ERLIN2: variants seen among roughly 807,000 people sequenced by gnomAD.
The protein encoded by ERLIN2 is erlin-2.
Under a neutral mutation model 41.5 loss-of-function variants are expected in ERLIN2, and 22 were observed. The observed-to-expected ratio is 0.53, with a 90% CI of 0.38 to 0.76. The LOEUF (loss-of-function observed/expected upper bound fraction) is 0.76, where lower values mean the gene tolerates loss of function less well. Among genes scored for constraint, ERLIN2 ranks in the 30% least tolerant of loss-of-function variants. ERLIN2 has a pLI of 0.00. For synonymous variants in ERLIN2, 149 were observed against 150.9 expected, an observed-to-expected ratio of 0.99 and a Z score of 0.09; for missense variants, 247 against 414.3, an observed-to-expected ratio of 0.60 and a Z score of 3.51.
chr8:37,753,468 G>A lies in ERLIN2; in HGVS notation c.758G>A (p.Arg253Gln), dbSNP rs1235728999. The change falls in exon 11 of 12, where the codon CGG becomes CAG. Residue 253 changes from arginine to glutamine, a missense_variant. Around this residue, in one of 3 missense-constraint regions of ERLIN2, gnomAD observed 153 missense variants for 256.4 expected, o/e 0.60. Transcript: ENST00000519638. ...SEIEDAAFLA[R>Q]EKAKADAECY... Reference sequence around the variant, plus strand: ...CCCTCAGATGCTGCATTTCTGGCCCGGGAGAAGGCAAAGGCAGATGCTGAG... The same window carrying A: ...CCCTCAGATGCTGCATTTCTGGCCCAGGAGAAGGCAAAGGCAGATGCTGAG... 3.1e-6 allele frequency: 5 copies of A among 1,613,974 alleles called. No homozygotes were observed. Among genetic ancestry groups the A allele is most frequent in the East Asian group, 2.2e-5 (1 of 44,896 alleles).
At chr8:37,745,485 A>G in intron 6 of ERLIN2, 1 of 1,348,806 alleles carries the variant, frequency 7.4e-7, no homozygotes, top group Non-Finnish European at 1.1e-6. Context: ...TATTCTGTTT[A>G]AACTCACTGC....
chr8:37,746,455 T>C lies in ERLIN2; in HGVS notation c.424+1759T>C, dbSNP rs542780019. ...AAAAACATGGATACAAACACATGGA[T>C]ATAGTTATCACTGAAGCAGTGTGAC... On this transcript the variant is annotated intron_variant, in intron 6 of 11. Coordinates refer to ENST00000519638, the MANE Select transcript of ERLIN2 (RefSeq NM_007175.8). 1.4e-4 allele frequency: 141 copies of C among 984,966 alleles called. 1 individual carries two copies. Among genetic ancestry groups the C allele is most frequent in the Admixed American group, 7.4e-4 (12 of 16,270 alleles). 61.0% of individuals were successfully genotyped at this position (984,966 alleles called of 1,614,324 possible).
chr8:37,753,639 G>A lies in ERLIN2; in HGVS notation c.819+110G>A, dbSNP rs377386172. The stretch of plus-strand genomic sequence containing the variant: ...CACCACCCAAAGCCCTTCATGGGCA[G>A]AACTGAGGATGCCTTTGCTGTGTGG... On this transcript the variant is annotated intron_variant, in intron 11 of 11. Transcript: ENST00000519638. 1.1e-3 allele frequency: 1,095 copies of A among 972,170 alleles called. 17 individuals carry two copies. The South Asian group carries it at 0.014, about 12-fold the overall frequency. The allele number at this position is 972,170 out of a possible 1,614,324, so 60.2% of individuals were successfully genotyped here. A position where few individuals can be genotyped will look rare whatever the true frequency, so the allele number is the denominator to read the frequency against.
chr8:37,742,665 G>A (rs977777644), intron 4 of ERLIN2, among the ~76,000 whole-genome samples: 3 of 152,136 alleles, frequency 2.0e-5, no homozygotes, highest in East Asian at 1.9e-4. Flanking sequence ...TGGATAGGGG[G>A]TGGGGAGAGG....
rs991275230 is a variant in ERLIN2 at position 37,741,423 on chromosome 8, C to T, written c.190-349C>T. Among the ~76,000 whole-genome samples, 1 of 152,126 alleles carries T rather than the reference C, an allele frequency of 6.6e-6. No homozygotes were observed. Among genetic ancestry groups the T allele is most frequent in the African/African-American group, 2.4e-5 (1 of 41,418 alleles). On this transcript the variant is annotated intron_variant, in intron 3 of 11. Transcript: ENST00000519638. This position sits in a 1 kb window ranked among gnomAD's most constrained non-coding sequence, Gnocchi z 4.8. ...GTGTTATAGGGTTTGGTACTCTCCCCGGTTTCAAGCATCCACTGGGGGCCT... is the reference window on the plus strand; with the variant it reads ...GTGTTATAGGGTTTGGTACTCTCCCTGGTTTCAAGCATCCACTGGGGGCCT...
intron 11 of ERLIN2, 61 bp downstream of exon 11, chr8:37,753,590 G>A (rs935723027): frequency 6.7e-7 from 1 of 1,496,024 alleles, no homozygotes; most frequent in African/African-American, 1.4e-5. Context: ...TATTGCAGGA[G>A]AGTTTCCAGT....
intron 6 of ERLIN2, chr8:37,747,216 G>GA (rs1346241687): frequency 4.4e-6 from 3 of 680,670 alleles, no homozygotes; most frequent in African/African-American, 1.8e-5. Flanking sequence ...GAATCAATGG[G>GA]AAACAACATA....
chr8:37,737,219 G>C (rs1448907302), intron 1 of ERLIN2: 1 of 158,800 alleles, frequency 6.3e-6, no homozygotes, highest in African/African-American at 2.4e-5. Flanking sequence ...TCGCAGTTTG[G>C]GACATTGCCT....
At chr8:37,750,291 G>A (rs1471155503) in intron 8 of ERLIN2, 104 bp from the exon 9 acceptor site, 22 of 858,168 alleles carry the variant, frequency 2.6e-5, no homozygotes, top group South Asian at 2.1e-4. Context: ...GGAGGAGTAG[G>A]AAATGGGAGT....
intron 6 of ERLIN2, chr8:37,745,426 C>A: frequency 1.2e-6 from 1 of 802,680 alleles, no homozygotes; most frequent in Non-Finnish European, 2.1e-6. Flanking sequence ...GACTTAGCAG[C>A]AAAGGAAGGA....
chr8:37,736,794 C>G, intron 1 of ERLIN2, 116 bp downstream of exon 1: 4 of 985,850 alleles, frequency 4.1e-6, no homozygotes, highest in East Asian at 1.1e-4. Context: ...TCAGCCGGCC[C>G]GCTCCTGGAG....
chr8:37,752,809 C>A (rs926398749), intron 10 of ERLIN2, among the ~76,000 whole-genome samples: 1 of 152,294 alleles, frequency 6.6e-6, no homozygotes, highest in South Asian at 2.1e-4. Context: ...AGGTCTTAAT[C>A]CAAACACGTG....
chr8:37,749,712 G>A, intron 7 of ERLIN2, 80 bp downstream of exon 7: 1 of 1,555,978 alleles, frequency 6.4e-7, no homozygotes, highest in Non-Finnish European at 8.9e-7. Flanking sequence ...TTTTGTGCAG[G>A]AAGATCAAGG....
chr8:37,754,409 G>T lies in ERLIN2; in HGVS notation c.*294G>T. On this transcript the variant is annotated 3_prime_UTR_variant, in exon 12 of 12. Coordinates refer to ENST00000519638, the MANE Select transcript of ERLIN2 (RefSeq NM_007175.8). ...TTATCCTTTGAGGCTGGCTTAATTA[G>T]GGATGCTGTCATTAAGGAGAGGGAG... The T allele has an allele frequency of 2.5e-6, 1 of 407,598 alleles. No homozygotes were observed. Among genetic ancestry groups the T allele is most frequent in the Non-Finnish European group, 4.6e-6 (1 of 216,346 alleles). The allele number at this position is 407,598 out of a possible 1,614,324, so 25.2% of individuals were successfully genotyped here.
At position 37,754,879 on chromosome 8, in the gene ERLIN2, C is replaced by T. The variant is rs919848083; in HGVS notation, c.*764C>T. ...AAAAATTCTGTTCATTGGTTCCACT[C>T]AGCATCAAGAAGACAGGGACAAACA... On this transcript the variant is annotated 3_prime_UTR_variant, in exon 12 of 12. Coordinates refer to ENST00000519638, the MANE Select transcript of ERLIN2 (RefSeq NM_007175.8). The T allele has an allele frequency of 2.6e-5, 4 of 152,372 alleles. No individual in the cohort carries two copies. The highest frequency in any genetic ancestry group is 4.4e-5 in the Non-Finnish European group (3 of 68,314). The allele number at this position is 152,372 out of a possible 1,614,324, so 9.4% of individuals were successfully genotyped here. A position where few individuals can be genotyped will look rare whatever the true frequency, so the allele number is the denominator to read the frequency against.
At chr8:37,747,455 C>T in intron 6 of ERLIN2, 3 of 1,611,970 alleles carry the variant, frequency 1.9e-6, no homozygotes, top group Non-Finnish European at 2.5e-6. Flanking sequence ...TTTTCAATCA[C>T]TTTGGCATTC....
At position 37,756,524 on chromosome 8, in the gene ERLIN2, G is replaced by C. The variant is rs1022576839; in HGVS notation, c.*2409G>C. 1 of 152,624 alleles carries C rather than the reference G, an allele frequency of 6.6e-6. No homozygotes were observed. Among genetic ancestry groups the C allele is most frequent in the African/African-American group, 2.4e-5 (1 of 41,450 alleles). The allele number at this position is 152,624 out of a possible 1,614,324, so 9.5% of individuals were successfully genotyped here. On this transcript the variant is annotated 3_prime_UTR_variant, in exon 12 of 12. Coordinates refer to ENST00000519638, the MANE Select transcript of ERLIN2 (RefSeq NM_007175.8). ...AAGAGCCTCAGTAGAGTCAAGTCCT[G>C]CTGCAGCTGCCCCACCCCAAGTTTC...
At chr8:37,753,876 T>C (rs1803291535) in intron 11 of ERLIN2, 39 bp from the exon 12 acceptor site, 1 of 1,577,178 alleles carries the variant, frequency 6.3e-7, no homozygotes. Flanking sequence ...TCTAATATGG[T>C]TCAACATAAG....
chr8:37,738,042 C>T lies in ERLIN2; in HGVS notation c.107+13C>T. 6.2e-7 allele frequency: 1 copy of T among 1,613,986 alleles called. No individual in the cohort carries two copies. Among genetic ancestry groups the T allele is most frequent in the East Asian group, 2.2e-5 (1 of 44,874 alleles). On this transcript the variant is annotated intron_variant, in intron 2 of 11. Transcript: ENST00000519638. ...GGGTATATTACAGGTAAGGCAGAGA[C>T]AGGGAGAAGCCGGCAACTTCCTGTT...
Sources: allele counts gnomAD v4.1 joint callset (sites outside exome capture counted in the v4.1 genomes callset), GRCh38; gene constraint gnomAD v4.1.1; regional missense constraint gnomAD v4.1.1; non-coding constraint Gnocchi (gnomAD v3.1); transcripts MANE v1.5; gene names NCBI Gene and HGNC (gene_info 2026-07-23, HGNC 2026-07-21).